LRRC17: variants seen among roughly 807,000 people sequenced by gnomAD.
LRRC17 encodes leucine-rich repeat-containing protein 17.
Under a neutral mutation model 41.5 loss-of-function variants are expected in LRRC17, and 33 were observed. That is an observed-to-expected ratio of 0.80 (90% CI 0.60 to 1.06). LRRC17 has a LOEUF of 1.06. Among genes scored for constraint, LRRC17 ranks in the 50% least tolerant of loss-of-function variants. LRRC17 has a pLI of 0.00. For synonymous variants in LRRC17, 192 were observed against 197.0 expected, an observed-to-expected ratio of 0.97 and a Z score of 0.21; for missense variants, 491 against 519.3, an observed-to-expected ratio of 0.95 and a Z score of 0.53.
Position 102,917,853 on chromosome 7 carries a change from A to C in LRRC17, c.-141+4708A>C, listed in dbSNP as rs1816211158. On this transcript the variant is annotated intron_variant, in intron 1 of 3. Transcript: ENST00000339431. Reference sequence around the variant, plus strand: ...GTGCCACCTAGGTTGTGACAATAGGAATAAATAGAAAGTGTTTAGTTCCGG... The same window carrying C: ...GTGCCACCTAGGTTGTGACAATAGGCATAAATAGAAAGTGTTTAGTTCCGG... Among the ~76,000 whole-genome samples, 3 of 152,178 alleles carry C rather than the reference A, an allele frequency of 2.0e-5. 1 individual carries two copies. The South Asian group carries it at 6.2e-4, about 31-fold the overall frequency.
intron 1 of LRRC17, chr7:102,931,953 C>T (rs774314447): frequency 1.6e-5 from 26 of 1,609,646 alleles, no homozygotes; most frequent in East Asian, 6.7e-5. Context: ...ATAAGTTACA[C>T]GTCACTAAAC....
At chr7:102,938,573 A>G (rs1390929155) in intron 2 of LRRC17, among the ~76,000 whole-genome samples, 1 of 152,196 alleles carries the variant, frequency 6.6e-6, no homozygotes, top group African/African-American at 2.4e-5. Context: ...TGAGGCATTT[A>G]CCAAGAATTT....
intron 2 of LRRC17, among the ~76,000 whole-genome samples, chr7:102,936,490 T>C (rs1820337220): frequency 6.6e-6 from 1 of 152,252 alleles, no homozygotes; most frequent in Non-Finnish European, 1.5e-5. Flanking sequence ...ATGTAGTTTT[T>C]CTATAGCCAG....
chr7:102,934,239 G>A lies in LRRC17; in HGVS notation c.326G>A (p.Ser109Asn). 6.2e-7 allele frequency: 1 copy of A among 1,614,178 alleles called. No individual in the cohort carries two copies. Residue 109 changes from serine (S) to asparagine (N), a missense_variant, in exon 2 of 4, where the codon AGC becomes AAC. Physicochemically the swap from Ser to Asn is conservative, Grantham distance 46. Transcript: ENST00000339431. Reference protein sequence around the residue: ...NMFSKFKKLKSLDLQQNEISK... With the variant: ...NMFSKFKKLKNLDLQQNEISK... ...TTTTCCAAGTTTAAAAAGCTGAAAA[G>A]CCTGGATCTGCAGCAGAATGAGATC...
At chr7:102,943,217 G>A (rs1342499254) in intron 3 of LRRC17, among the ~76,000 whole-genome samples, 1 of 152,048 alleles carries the variant, frequency 6.6e-6, no homozygotes, top group Non-Finnish European at 1.5e-5. Context: ...TGATATCCCA[G>A]GAACTGTCAG....
intron 1 of LRRC17, among the ~76,000 whole-genome samples, chr7:102,921,100 C>T (rs960077301): frequency 2.0e-5 from 3 of 152,014 alleles, no homozygotes; most frequent in African/African-American, 7.2e-5. Flanking sequence ...TGCAGTGAGC[C>T]GAGATCACTT....
At chr7:102,933,050 C>T (rs1819527523) in intron 1 of LRRC17, 1 of 152,198 alleles carries the variant, frequency 6.6e-6, no homozygotes, top group Admixed American at 6.5e-5. Context: ...ACCATATCTA[C>T]TTTGACAGAT....
Position 102,944,501 on chromosome 7 carries a change from C to A in LRRC17, c.1220C>A (p.Ala407Glu). ...GAATGCCCCAAAGACAAGTTACCAG[C>A]ATATCCTGAGTCATTTGACCAAGAC... ...YEECPKDKLP[A>E]YPESFDQDTE... Residue 407 changes from alanine to glutamate, a missense_variant, in exon 4 of 4, where the codon GCA (alanine) becomes GAA (glutamate). Physicochemically the swap from Ala to Glu is moderately radical, Grantham distance 107. Transcript: ENST00000339431. 6.2e-7 allele frequency: 1 copy of A among 1,613,904 alleles called. No individual in the cohort carries two copies. The highest frequency in any genetic ancestry group is 1.1e-5 in the South Asian group (1 of 91,062).
chr7:102,932,386 ATTTGC>A (rs1208500242), intron 1 of LRRC17, among the ~76,000 whole-genome samples: 2 of 152,126 alleles, frequency 1.3e-5, no homozygotes, highest in African/African-American at 4.8e-5. Flanking sequence ...CTTTTACTGT[ATTTGC>A]TTTATCACAT....
chr7:102,943,955 T>C (rs892597990), intron 3 of LRRC17, among the ~76,000 whole-genome samples: 1 of 152,210 alleles, frequency 6.6e-6, no homozygotes, highest in Admixed American at 6.5e-5. Flanking sequence ...GGAAAATACA[T>C]TCTTGCATCA....
intron 3 of LRRC17, chr7:102,942,181 G>A (rs1821586112): frequency 2.7e-6 from 2 of 733,232 alleles, no homozygotes; most frequent in South Asian, 1.8e-5. Context: ...CCTACCAAAT[G>A]CCAAGCACTT....
chr7:102,932,835 T>C (rs1411251955), intron 1 of LRRC17, among the ~76,000 whole-genome samples: 5 of 152,134 alleles, frequency 3.3e-5, no homozygotes, highest in Non-Finnish European at 7.3e-5. Context: ...TCTCAAGAGA[T>C]CTGACTGCCT....
chr7:102,940,291 G>C (rs12532495), intron 3 of LRRC17, among the ~76,000 whole-genome samples: 3 of 148,506 alleles, frequency 2.0e-5, no homozygotes, highest in East Asian at 2.0e-4. Flanking sequence ...CTCACTGCAA[G>C]CTCCGCCTCC....
At chr7:102,940,252 C>T (rs1389687187) in intron 3 of LRRC17, among the ~76,000 whole-genome samples, 1 of 149,112 alleles carries the variant, frequency 6.7e-6, no homozygotes, top group East Asian at 2.0e-4. Flanking sequence ...GCTCTGTTGC[C>T]AGGCTGGAGT....
chr7:102,943,728 C>T (rs184440486), intron 3 of LRRC17, among the ~76,000 whole-genome samples: 2 of 152,270 alleles, frequency 1.3e-5, no homozygotes, highest in South Asian at 2.1e-4. Flanking sequence ...CAAGCAATAA[C>T]GAATCCTTAA....
chr7:102,921,975 G>C (rs996504634), intron 1 of LRRC17, among the ~76,000 whole-genome samples: 8 of 152,122 alleles, frequency 5.3e-5, no homozygotes, highest in African/African-American at 1.9e-4. Context: ...TGGATCACTT[G>C]AGGTCAAGAG....
intron 2 of LRRC17, among the ~76,000 whole-genome samples, chr7:102,937,085 T>C (rs566646104): frequency 1.3e-5 from 2 of 152,294 alleles, no homozygotes; most frequent in African/African-American, 4.8e-5. Flanking sequence ...TGAAACACAA[T>C]ATAAATAAGG....
At chr7:102,924,447 G>GGAA (rs1054781413) in intron 1 of LRRC17, among the ~76,000 whole-genome samples, 20 of 152,074 alleles carry the variant, frequency 1.3e-4, no homozygotes, top group African/African-American at 4.6e-4. Flanking sequence ...CCTGGCAGGA[G>GGAA]GAAGACTGTG....
chr7:102,939,665 A>C (rs1821022477), intron 3 of LRRC17, 80 bp downstream of exon 3: 9 of 1,241,934 alleles, frequency 7.2e-6, no homozygotes, highest in Non-Finnish European at 1.0e-5. Context: ...ATATACAGTA[A>C]ATTCAGTTTA....
Sources: allele counts gnomAD v4.1 joint callset (sites outside exome capture counted in the v4.1 genomes callset), GRCh38; gene constraint gnomAD v4.1.1; transcripts MANE v1.5; gene names NCBI Gene and HGNC (gene_info 2026-07-23, HGNC 2026-07-21).